CAMK1G: variants seen among roughly 807,000 people sequenced by gnomAD.
The protein encoded by CAMK1G is calcium/calmodulin-dependent protein kinase type 1G.
A neutral mutation model predicts 54.8 loss-of-function variants in CAMK1G; 27 were observed. The observed-to-expected ratio is 0.49, with a 90% CI of 0.36 to 0.68. The LOEUF (loss-of-function observed/expected upper bound fraction) is 0.68. CAMK1G is among the 30% of genes least tolerant of loss of function. CAMK1G has a pLI of 0.00. For missense variants in CAMK1G, 512 were observed against 591.0 expected (o/e 0.87, Z 1.39); for synonymous variants, 238 against 224.9 (o/e 1.06, Z -0.52).
chr1:209,599,412 A>T (rs1188782094), intron 2 of CAMK1G, among the ~76,000 whole-genome samples: 1 of 152,252 alleles, frequency 6.6e-6, no homozygotes, highest in Non-Finnish European at 1.5e-5. Flanking sequence ...TCTTGTTCAC[A>T]ATTTCTCCCA....
Position 209,608,999 on chromosome 1 carries a change from TTCTATGAAGAAACGGAG to T in CAMK1G, c.660_676del (p.Tyr220Ter). 1.2e-6 allele frequency: 2 copies of T among 1,614,086 alleles called. No individual in the cohort carries two copies. The highest frequency in any genetic ancestry group is 8.5e-7 in the Non-Finnish European group (1 of 1,179,962). On this transcript the variant is annotated frameshift_variant, in exon 8 of 13. Coordinates refer to ENST00000361322, the MANE Select transcript of CAMK1G (RefSeq NM_020439.3). LOFTEE classifies it high-confidence loss of function. ...CTGCAGGCTCTGTGGATACCCCCCA[TTCTATGAAGAAACGGAG>T]TCTAAGCTTTTCGAGAAGATCAAGG...
intron 2 of CAMK1G, among the ~76,000 whole-genome samples, chr1:209,597,898 T>C (rs1665428247): frequency 6.6e-6 from 1 of 152,234 alleles, no homozygotes; most frequent in Non-Finnish European, 1.5e-5. Flanking sequence ...GTGATGATAA[T>C]AATAGTATCT....
chr1:209,605,897 A>G (rs1309789229), intron 5 of CAMK1G, among the ~76,000 whole-genome samples: 1 of 152,184 alleles, frequency 6.6e-6, no homozygotes, highest in African/African-American at 2.4e-5. Flanking sequence ...ACCCTATTTC[A>G]ATACCAAAAT....
chr1:209,608,036 T>A, intron 7 of CAMK1G, 103 bp downstream of exon 7: 2 of 819,528 alleles, frequency 2.4e-6, no homozygotes, highest in Non-Finnish European at 4.1e-6. Context: ...AGCACGTGCA[T>A]GTGCACAAAC....
chr1:209,586,048 A>T (rs1423703152), intron 1 of CAMK1G, among the ~76,000 whole-genome samples: 1 of 152,208 alleles, frequency 6.6e-6, no homozygotes, highest in East Asian at 1.9e-4. Flanking sequence ...AAGGCTGGTA[A>T]CTCAGAGCTT....
intron 3 of CAMK1G, among the ~76,000 whole-genome samples, chr1:209,600,609 G>T (rs1341547373): frequency 6.6e-6 from 1 of 152,212 alleles, no homozygotes; most frequent in Non-Finnish European, 1.5e-5. Flanking sequence ...ATGAACACAG[G>T]ATCAGAACCA....
At chr1:209,597,999 G>C (rs1168838840) in intron 2 of CAMK1G, among the ~76,000 whole-genome samples, 1 of 152,196 alleles carries the variant, frequency 6.6e-6, no homozygotes, top group East Asian at 1.9e-4. Flanking sequence ...TTGTGAATCA[G>C]ATACTATTGA....
At position 209,608,985 on chromosome 1, in the gene CAMK1G, G is replaced by C. The variant is rs780108701; in HGVS notation, c.641G>C (p.Cys214Ser). The part of the protein sequence containing the change: ...SIGVITYILL[C>S]GYPPFYEETE... ...TCCTTCCTGTCCTGCTGCAGGCTCTGTGGATACCCCCCATTCTATGAAGAA... is the reference window on the plus strand; with the variant it reads ...TCCTTCCTGTCCTGCTGCAGGCTCTCTGGATACCCCCCATTCTATGAAGAA... The change falls in exon 8 of 13, where the codon TGT becomes TCT. Residue 214 changes from cysteine to serine, a missense_variant. By Grantham distance (112) the Cys-to-Ser change is moderately radical (BLOSUM62 -1). Coordinates refer to ENST00000361322, the MANE Select transcript of CAMK1G (RefSeq NM_020439.3). 15 of 1,614,134 alleles carry C rather than the reference G, an allele frequency of 9.3e-6. No homozygotes were observed. Among genetic ancestry groups the C allele is most frequent in the Non-Finnish European group, 1.3e-5 (15 of 1,180,000 alleles).
chr1:209,609,620 C>A (rs533842300), intron 8 of CAMK1G, among the ~76,000 whole-genome samples: 3 of 152,228 alleles, frequency 2.0e-5, no homozygotes, highest in Non-Finnish European at 4.4e-5. Flanking sequence ...ACTAGTGACG[C>A]TTCTGCAGTG....
intron 2 of CAMK1G, among the ~76,000 whole-genome samples, chr1:209,595,472 C>T (rs552033423): frequency 2.6e-5 from 4 of 152,230 alleles, no homozygotes; most frequent in African/African-American, 7.2e-5. Flanking sequence ...CCCTTTCCCC[C>T]AGGGTTTGCC....
intron 2 of CAMK1G, 59 bp from the exon 3 acceptor site, chr1:209,599,924 C>T: frequency 6.3e-7 from 1 of 1,596,606 alleles, no homozygotes; most frequent in Non-Finnish European, 8.5e-7. Context: ...GGTCTTACAT[C>T]TGGAAGTGTA....
In CAMK1G at chr1:209,600,050, A is replaced by G. The variant is rs773689930; in HGVS notation, c.160A>G (p.Ile54Val). Reference sequence around the variant, plus strand: ...TGGGAAGCTCTTTGCTCTGAAGTGCATCAAGAAGTCACCTGCCTTCCGGGA... The same window carrying G: ...TGGGAAGCTCTTTGCTCTGAAGTGCGTCAAGAAGTCACCTGCCTTCCGGGA... ...LTGKLFALKC[I>V]KKSPAFRDSS... The change falls in exon 3 of 13, where the codon ATC (isoleucine) becomes GTC (valine). Residue 54 changes from isoleucine (I) to valine (V), a missense_variant. This residue lies in a region of CAMK1G where 186 missense variants were observed against 231.5 expected (regional missense o/e 0.80). Coordinates refer to ENST00000361322, the MANE Select transcript of CAMK1G (RefSeq NM_020439.3). 6.2e-7 allele frequency: 1 copy of G among 1,613,932 alleles called. No homozygotes were observed. The highest frequency in any genetic ancestry group is 1.3e-5 in the African/African-American group (1 of 74,948).
At position 209,604,849 on chromosome 1, in the gene CAMK1G, A is replaced by G. The variant is rs1483946657; in HGVS notation, c.297-687A>G. ...AGGTTTCAACATAATGTGCAGAAAC[A>G]TTAGGAATATTCCAAAAAACACTCT... is the stretch of plus-strand genomic sequence containing the variant. On this transcript the variant is annotated intron_variant, in intron 4 of 12. Transcript: ENST00000361322. Among the ~76,000 whole-genome samples, 4 of 113,202 alleles carry G rather than the reference A, an allele frequency of 3.5e-5. No homozygotes were observed. In the East Asian group the frequency reaches 8.5e-4, roughly 24 times the overall value. The allele number at this position is 113,202 out of a possible 152,430, so 74.3% of individuals were successfully genotyped here. A position where few individuals can be genotyped will look rare whatever the true frequency, so the allele number is the denominator to read the frequency against.
At chr1:209,605,113 A>G (rs1665615996) in intron 4 of CAMK1G, among the ~76,000 whole-genome samples, 1 of 152,152 alleles carries the variant, frequency 6.6e-6, no homozygotes, top group African/African-American at 2.4e-5. Context: ...TGATATAAGT[A>G]CGGTTAGTCT....
chr1:209,596,903 C>T (rs1665403963), intron 2 of CAMK1G, among the ~76,000 whole-genome samples: 1 of 152,132 alleles, frequency 6.6e-6, no homozygotes, highest in African/African-American at 2.4e-5. Context: ...ACCCACTAAA[C>T]TGGAATTTTG....
At position 209,611,860 on chromosome 1, in the gene CAMK1G, C is replaced by A; in HGVS notation, c.984C>A (p.Gly328=). The change falls in exon 11 of 13, where the codon GGC becomes GGA. Residue 328 remains glycine (G), a synonymous_variant. Transcript: ENST00000361322. ...RKLHMNLHSP[G]VRPEVENRPP... ...TACACATGAACCTGCACAGCCCGGG[C>A]GTCCGCCCAGAGGTGGAGAACAGGC... 1 of 1,614,232 alleles carries A rather than the reference C, an allele frequency of 6.2e-7. No individual in the cohort carries two copies. The highest frequency in any genetic ancestry group is 8.5e-7 in the Non-Finnish European group (1 of 1,180,056).
intron 12 of CAMK1G, 34 bp downstream of exon 12, chr1:209,612,946 G>T (rs1050293001): frequency 1.8e-6 from 2 of 1,141,220 alleles, no homozygotes; most frequent in Admixed American, 1.7e-5. Flanking sequence ...CTTGGGGAGA[G>T]TTTCTGTCCC....
chr1:209,604,012 T>C (rs1665587814), intron 4 of CAMK1G, among the ~76,000 whole-genome samples: 1 of 152,118 alleles, frequency 6.6e-6, no homozygotes, highest in Non-Finnish European at 1.5e-5. Context: ...CAAAGACACT[T>C]CTGTTTATAA....
chr1:209,605,775 T>G (rs759170727), intron 5 of CAMK1G, 101 bp downstream of exon 5: 1 of 1,219,060 alleles, frequency 8.2e-7, no homozygotes, highest in Non-Finnish European at 1.1e-6. Context: ...AGGGTTGGAC[T>G]AGTGACTCCC....
Sources: allele counts gnomAD v4.1 joint callset (sites outside exome capture counted in the v4.1 genomes callset), GRCh38; gene constraint gnomAD v4.1.1; regional missense constraint gnomAD v4.1.1; transcripts MANE v1.5; gene names NCBI Gene and HGNC (gene_info 2026-07-23, HGNC 2026-07-21).